The following NAV2 variants were observed in gnomAD, a reference collection of about 807,000 sequenced individuals.
NAV2 encodes the protein neuron navigator 2.
NAV2 carries 54 observed loss-of-function variants against 223.2 expected under a neutral mutation model. The ratio of observed to expected loss-of-function variants is 0.24; its 90% confidence interval spans 0.19 to 0.30. The LOEUF is 0.30. NAV2 is among the 10% of genes least tolerant of loss of function. The pLI is 1.00. For synonymous variants in NAV2, 1,279 were observed against 1,239.3 expected, an observed-to-expected ratio of 1.03 and a Z score of -0.67; for missense variants, 2,806 against 3,147.5, an observed-to-expected ratio of 0.89 and a Z score of 2.60.
intron 4 of NAV2, among the ~76,000 whole-genome samples, chr11:19,870,327 G>A (rs1387791623): frequency 2.0e-5 from 3 of 152,178 alleles, no homozygotes; most frequent in African/African-American, 7.2e-5. Flanking sequence ...TCCTGGTAGA[G>A]AGTTCTTGTG....
At chr11:20,105,085 C>T (rs1440966218) in intron 34 of NAV2, 1 of 154,324 alleles carries the variant, frequency 6.5e-6, no homozygotes, top group Non-Finnish European at 1.4e-5. Context: ...TCTGCCTCCT[C>T]CACCAGACTG....
Position 19,457,074 on chromosome 11 carries a change from A to G in NAV2, c.75+106047A>G, listed in dbSNP as rs888221036. 2.8e-4 allele frequency among the ~76,000 whole-genome samples: 42 copies of G among 152,190 alleles called. 1 individual carries two copies. The highest frequency in any genetic ancestry group is 1.0e-3 in the African/African-American group (42 of 41,434). On this transcript the variant is annotated intron_variant, in intron 1 of 37. Transcript: ENST00000360655. ...AATACTTAGTGAGTTTTCATTATTT[A>G]CTAGACCCTGCTCAAGGCTCAGGGA... is the stretch of plus-strand genomic sequence containing the variant.
rs182298745 is a variant in NAV2, at chr11:19,978,090, G to T, written c.2646-6035G>T. ...TCCACCCACCTCAGCCTCCCAAAGT[G>T]CTGGGACTACAGGCGTGAGCCACCA... On this transcript the variant is annotated intron_variant, in intron 10 of 37. Transcript: ENST00000349880. Among the ~76,000 whole-genome samples the T allele has an allele frequency of 3.8e-3, 582 of 151,864 alleles. 13 individuals carry two copies. The highest frequency in any genetic ancestry group is 0.023 in the Admixed American group (352 of 15,220).
At chr11:20,061,770 G>A (rs780463763) in intron 19 of NAV2, among the ~76,000 whole-genome samples, 3 of 152,078 alleles carry the variant, frequency 2.0e-5, no homozygotes, top group Non-Finnish European at 2.9e-5. Flanking sequence ...CTGCTATATG[G>A]TCATCTAGAA....
chr11:19,769,134 A>C (rs2055492006), intron 1 of NAV2, among the ~76,000 whole-genome samples: 1 of 152,182 alleles, frequency 6.6e-6, no homozygotes, highest in Non-Finnish European at 1.5e-5. Context: ...CTGATGTGAG[A>C]GTGTTTTTGA....
chr11:19,878,338 A>G (rs1251803625), intron 4 of NAV2, among the ~76,000 whole-genome samples: 2 of 152,218 alleles, frequency 1.3e-5, no homozygotes, highest in Non-Finnish European at 2.9e-5. Flanking sequence ...AATAACCAAG[A>G]TGAATGAAGG....
intron 1 of NAV2, among the ~76,000 whole-genome samples, chr11:19,363,835 A>T (rs1854104323): frequency 6.6e-6 from 1 of 152,184 alleles, no homozygotes; most frequent in African/African-American, 2.4e-5. Flanking sequence ...TTTGCTTATT[A>T]CCGGTTTATA....
At chr11:19,593,329 G>A (rs1326033203) in intron 1 of NAV2, among the ~76,000 whole-genome samples, 1 of 152,020 alleles carries the variant, frequency 6.6e-6, no homozygotes, top group Non-Finnish European at 1.5e-5. Context: ...TCTGTCTATA[G>A]TTCATTCCTC....
chr11:19,832,352 T>G, intron 1 of NAV2, 132 bp from the exon 2 acceptor site: 1 of 705,700 alleles, frequency 1.4e-6, no homozygotes, highest in East Asian at 2.5e-5. Context: ...TGCACTGAAT[T>G]TTAATGGTGC....
chr11:19,737,746 ACATG>A (rs1184938157), intron 1 of NAV2, among the ~76,000 whole-genome samples: 3 of 152,256 alleles, frequency 2.0e-5, no homozygotes, highest in African/African-American at 7.2e-5. Context: ...AGGAGGTCTG[ACATG>A]CATATCGTGC....
upstream of NAV2, among the ~76,000 whole-genome samples, chr11:19,347,430 C>G (rs925733135): frequency 1.3e-5 from 2 of 152,188 alleles, no homozygotes; most frequent in African/African-American, 2.4e-5. Context: ...ACCTCCCACC[C>G]CCGGGGTGGT....
intron 20 of NAV2, among the ~76,000 whole-genome samples, chr11:20,067,074 C>A (rs947679445): frequency 1.3e-5 from 2 of 152,154 alleles, no homozygotes; most frequent in Non-Finnish European, 2.9e-5. Context: ...CACCTAGACA[C>A]AGAGCCAGCA....
rs1191332485 is a variant in NAV2 at position 19,844,867 on chromosome 11, G to A, written c.438+1944G>A. ...CACAAGAATATAAAATCCTATAATT[G>A]TCTGTGATAATTAGTTCCAGCTTAG... On this transcript the variant is annotated intron_variant, in intron 3 of 37. Transcript: ENST00000349880. Among the ~76,000 whole-genome samples the A allele has an allele frequency of 4.1e-5, 6 of 145,322 alleles. No individual in the cohort carries two copies. In the Admixed American group the frequency reaches 4.2e-4, roughly 10 times the overall value.
chr11:20,074,226 C>T (rs2059582430), intron 22 of NAV2, among the ~76,000 whole-genome samples: 1 of 152,102 alleles, frequency 6.6e-6, no homozygotes, highest in African/African-American at 2.4e-5. Flanking sequence ...GTTCAGTTTC[C>T]ATGTAGTTGT....
intron 17 of NAV2, 49 bp from the exon 18 acceptor site, chr11:20,054,031 T>G: frequency 6.3e-7 from 1 of 1,579,684 alleles, no homozygotes; most frequent in African/African-American, 1.4e-5. Context: ...GAGTTCATTT[T>G]AATAAGCATT....
At chr11:20,086,648 A>C (rs1279009536) in intron 26 of NAV2, among the ~76,000 whole-genome samples, 1 of 152,152 alleles carries the variant, frequency 6.6e-6, no homozygotes, top group Non-Finnish European at 1.5e-5. Flanking sequence ...AGGCACTCAA[A>C]TATTTGGTGG....
intron 1 of NAV2, among the ~76,000 whole-genome samples, chr11:19,611,566 A>G (rs1451648829): frequency 1.3e-5 from 2 of 152,222 alleles, no homozygotes; most frequent in Non-Finnish European, 2.9e-5. Flanking sequence ...GAAATTGGCC[A>G]AAATTAAGGG....
intron 1 of NAV2, among the ~76,000 whole-genome samples, chr11:19,592,938 G>C (rs1565082416): frequency 1.3e-5 from 2 of 152,088 alleles, no homozygotes; most frequent in Non-Finnish European, 2.9e-5. Context: ...CCTTTCACCT[G>C]GTTTTCTCCA....
intron 1 of NAV2, among the ~76,000 whole-genome samples, chr11:19,724,930 A>T (rs942568174): frequency 1.3e-5 from 2 of 152,212 alleles, no homozygotes; most frequent in African/African-American, 2.4e-5. Flanking sequence ...GTAGGCACTT[A>T]AGAAATAGTT....
Sources: gnomAD v4.1 joint callset for allele counts (sites outside exome capture counted in the v4.1 genomes callset) on GRCh38, gnomAD v4.1.1 for gene constraint, MANE v1.5 for transcripts, NCBI Gene and HGNC (gene_info 2026-07-23, HGNC 2026-07-21) for gene names.